TNRC6C: variants seen among roughly 807,000 people sequenced by gnomAD.
TNRC6C encodes the protein trinucleotide repeat-containing gene 6C protein.
TNRC6C carries 20 observed loss-of-function variants against 153.7 expected under a neutral mutation model. That is an observed-to-expected ratio of 0.13 (90% confidence interval 0.09 to 0.19). TNRC6C has a LOEUF of 0.19. Ranked by LOEUF, TNRC6C falls within the 10% of genes least tolerant of loss-of-function variation. TNRC6C has a pLI of 1.00. For missense variants in TNRC6C, 1,987 were observed against 2,172.0 expected (o/e 0.91, Z 1.69); for synonymous variants, 811 against 841.4 (o/e 0.96, Z 0.63).
intron 1 of TNRC6C, among the ~76,000 whole-genome samples, chr17:77,967,776 T>C (rs899132269): frequency 3.3e-5 from 5 of 152,224 alleles, no homozygotes; most frequent in Admixed American, 2.0e-4. Flanking sequence ...GGTCTTTAGA[T>C]ACTAGCCCAT....
chr17:78,028,602 A>G (rs566647570), intron 1 of TNRC6C, among the ~76,000 whole-genome samples: 1 of 152,310 alleles, frequency 6.6e-6, no homozygotes, highest in South Asian at 2.1e-4. Context: ...TAGCGTTCAC[A>G]TGGTAGATGG....
Position 78,035,850 on chromosome 17 carries a change from A to G in TNRC6C, c.-219+4008A>G, listed in dbSNP as rs1339364188. 2.6e-5 allele frequency among the ~76,000 whole-genome samples: 4 copies of G among 152,180 alleles called. No homozygotes were observed. In the East Asian group the frequency reaches 5.8e-4, roughly 22 times the overall value. ...CCAGATTTCTGGTCGCAGTGAAAGT[A>G]TTTTTAGATACAGTTTGAAATAAAA... On this transcript the variant is annotated intron_variant, in intron 2 of 19. Coordinates refer to ENST00000301624, the Ensembl canonical transcript of TNRC6C.
chr17:77,965,079 A>G (rs2070887234), intron 1 of TNRC6C, among the ~76,000 whole-genome samples: 1 of 152,214 alleles, frequency 6.6e-6, no homozygotes, highest in African/African-American at 2.4e-5. Flanking sequence ...TGTGCCAAGG[A>G]CATGAGTTTA....
At chr17:78,059,744 G>A (rs1347219620) in intron 3 of TNRC6C, among the ~76,000 whole-genome samples, 1 of 151,508 alleles carries the variant, frequency 6.6e-6, no homozygotes, top group African/African-American at 2.4e-5. Flanking sequence ...GGCTACTCAA[G>A]AGGCTGAGGC....
At chr17:78,072,199 G>T (rs1284903856) in intron 6 of TNRC6C, among the ~76,000 whole-genome samples, 1 of 152,210 alleles carries the variant, frequency 6.6e-6, no homozygotes, top group Non-Finnish European at 1.5e-5. Context: ...CTGTGTGAGT[G>T]GGCAAGAGGT....
At chr17:77,960,103 G>A (rs555102562) in intron 1 of TNRC6C, among the ~76,000 whole-genome samples, 1 of 152,264 alleles carries the variant, frequency 6.6e-6, no homozygotes, top group East Asian at 1.9e-4. Flanking sequence ...TGCACCTATT[G>A]CATTCGAAGG....
At chr17:78,022,937 A>G (rs1345354431) in intron 1 of TNRC6C, among the ~76,000 whole-genome samples, 1 of 152,182 alleles carries the variant, frequency 6.6e-6, no homozygotes, top group East Asian at 1.9e-4. Flanking sequence ...TATAACAGCT[A>G]TTTATATAGC....
At position 78,075,179 on chromosome 17, in the gene TNRC6C, G is replaced by A; in HGVS notation, c.2961G>A (p.Leu987=). ...AGGTGGACGTGGACAAGCGTGGGCT[G>A]GGAGTGACCGACCATAATGGAATGG... is the stretch of plus-strand genomic sequence containing the variant. The change falls in exon 8 of 20, where the codon CTG becomes CTA. Residue 987 remains leucine (L), a synonymous_variant. Coordinates refer to ENST00000301624, the Ensembl canonical transcript of TNRC6C. This position sits in a 1 kb window ranked among gnomAD's most constrained non-coding sequence, Gnocchi z 4.2. The A allele has an allele frequency of 6.2e-7, 1 of 1,612,310 alleles. No homozygotes were observed. Among genetic ancestry groups the A allele is most frequent in the South Asian group, 1.1e-5 (1 of 90,650 alleles).
At chr17:77,985,531 G>A (rs1031961001) in intron 1 of TNRC6C, among the ~76,000 whole-genome samples, 1 of 151,582 alleles carries the variant, frequency 6.6e-6, no homozygotes, top group African/African-American at 2.4e-5. Context: ...GAACCCTGGA[G>A]GCAGAGGTTG....
intron 1 of TNRC6C, among the ~76,000 whole-genome samples, chr17:77,967,796 G>A (rs1289536151): frequency 6.6e-6 from 1 of 152,206 alleles, no homozygotes; most frequent in Non-Finnish European, 1.5e-5. Context: ...TTGGAAAAAT[G>A]AGTGTTATGA....
In TNRC6C at chr17:77,982,453, G is replaced by A. The variant is rs575474525; in HGVS notation, c.-37-21717G>A. On this transcript the variant is annotated intron_variant, in intron 1 of 22. Transcript: ENST00000636222. ...TAGAAAGAGAATTTATAGCTACCAAGCTAATAGAGAAGGAGAAAGGAAATA... is the reference window on the plus strand; with the variant it reads ...TAGAAAGAGAATTTATAGCTACCAAACTAATAGAGAAGGAGAAAGGAAATA... Among the ~76,000 whole-genome samples the A allele has an allele frequency of 1.3e-4, 20 of 152,164 alleles. No individual in the cohort carries two copies. In the South Asian group the frequency reaches 4.1e-3, roughly 32 times the overall value.
At chr17:78,028,128 C>T (rs2071982600) in intron 1 of TNRC6C, among the ~76,000 whole-genome samples, 1 of 152,124 alleles carries the variant, frequency 6.6e-6, no homozygotes, top group African/African-American at 2.4e-5. Flanking sequence ...TCGATCTGAC[C>T]TTGTGATCTG....
intron 1 of TNRC6C, among the ~76,000 whole-genome samples, chr17:78,007,388 C>T (rs185390634): frequency 1.3e-3 from 199 of 152,312 alleles, no homozygotes; most frequent in African/African-American, 4.2e-3. Context: ...TTACGTTTTT[C>T]TCAGACTCTT....
intron 1 of TNRC6C, among the ~76,000 whole-genome samples, chr17:77,987,037 G>C (rs1390172865): frequency 6.6e-6 from 1 of 152,154 alleles, no homozygotes; most frequent in African/African-American, 2.4e-5. Context: ...AATTTGATTA[G>C]CGTTTAAAAC....
chr17:78,026,153 T>C (rs1014489536), intron 1 of TNRC6C, among the ~76,000 whole-genome samples: 1 of 152,244 alleles, frequency 6.6e-6, no homozygotes, highest in Non-Finnish European at 1.5e-5. Flanking sequence ...TTTTAAACTT[T>C]ATATGTTTGA....
intron 17 of TNRC6C, among the ~76,000 whole-genome samples, chr17:78,101,011 C>T (rs539509487): frequency 1.8e-4 from 27 of 152,076 alleles, no homozygotes; most frequent in African/African-American, 4.3e-4. Context: ...CCTGACCTCC[C>T]GTAATCCACC....
rs7223750 is a variant in TNRC6C, at chr17:78,049,188, G to A, written c.126G>A (p.Ala42=). Reference sequence around the variant, plus strand: ...AGAGTGCCCTTGGAGCAGGGGGAGCGAACAGTAATGGAAGTGCGGCCAGAG... The same window carrying A: ...AGAGTGCCCTTGGAGCAGGGGGAGCAAACAGTAATGGAAGTGCGGCCAGAG... Residue 42 remains alanine, a synonymous_variant, in exon 3 of 20, where the codon GCG becomes GCA. Coordinates refer to ENST00000301624, the Ensembl canonical transcript of TNRC6C. The surrounding 1 kb of genome is among the most constrained non-coding windows in gnomAD (Gnocchi z 4.1). 3,379 of 1,613,176 alleles carry A rather than the reference G, an allele frequency of 2.1e-3. 63 individuals carry two copies. In the African/African-American group the frequency reaches 0.04, roughly 19 times the overall value.
chr17:78,051,536 G>A, intron 3 of TNRC6C, 88 bp downstream of exon 5: 1 of 1,276,998 alleles, frequency 7.8e-7, no homozygotes, highest in Middle Eastern at 2.6e-4. Flanking sequence ...ACTCCGAGTA[G>A]TGTTTTTTAT....
At chr17:78,024,817 CAG>C (rs2071905667) in intron 1 of TNRC6C, among the ~76,000 whole-genome samples, 1 of 148,998 alleles carries the variant, frequency 6.7e-6, no homozygotes, top group Admixed American at 6.7e-5. Context: ...TTTTTTAGGA[CAG>C]AGTCTTGCTC....
Sources: gnomAD v4.1 joint callset for allele counts (sites outside exome capture counted in the v4.1 genomes callset) on GRCh38, gnomAD v4.1.1 for gene constraint, Gnocchi (gnomAD v3.1) non-coding constraint, MANE v1.5 for transcripts, NCBI Gene and HGNC (gene_info 2026-07-23, HGNC 2026-07-21) for gene names.